Variants in SLC8A1 observed in about 807,000 individuals in gnomAD.
SLC8A1 encodes the protein solute carrier family 8 member A1.
SLC8A1 carries 18 observed loss-of-function variants against 68.3 expected under a neutral mutation model. The ratio of observed to expected loss-of-function variants is 0.26; its 90% CI spans 0.18 to 0.39. SLC8A1 has a LOEUF of 0.39. Ranked by LOEUF, SLC8A1 falls within the 10% of genes least tolerant of loss-of-function variation. The pLI is 1.00. For missense variants in SLC8A1, 985 were observed against 1,156.7 expected, an observed-to-expected ratio of 0.85 and a Z score of 2.15; for synonymous variants, 475 against 415.5, an observed-to-expected ratio of 1.14 and a Z score of -1.74.
At chr2:40,221,019 C>A (rs1212382393) in intron 2 of SLC8A1, among the ~76,000 whole-genome samples, 1 of 152,122 alleles carries the variant, frequency 6.6e-6, no homozygotes, top group Non-Finnish European at 1.5e-5. Flanking sequence ...CTCCCTAACT[C>A]ATTTTATGAG....
chr2:40,406,428 T>C lies in SLC8A1; in HGVS notation c.1808+22045A>G, dbSNP rs551766136. Among the ~76,000 whole-genome samples the C allele has an allele frequency of 7.2e-5, 11 of 152,326 alleles. No homozygotes were observed. In the East Asian group the frequency reaches 1.2e-3, roughly 16 times the overall value. On this transcript the variant is annotated intron_variant, in intron 2 of 7. Coordinates refer to ENST00000406785, the Ensembl canonical transcript of SLC8A1. ...TAAACATGATTACTTATTTATTGTA[T>C]AATGGATGTATAATAAATAAACGTC...
intron 2 of SLC8A1, among the ~76,000 whole-genome samples, chr2:40,316,244 G>T (rs1443085486): frequency 6.6e-6 from 1 of 152,026 alleles, no homozygotes; most frequent in Non-Finnish European, 1.5e-5. Flanking sequence ...GTCCTTTGTG[G>T]TTCAAGGACA....
At chr2:40,128,277 C>T (rs1366072125) in intron 7 of SLC8A1, among the ~76,000 whole-genome samples, 1 of 152,204 alleles carries the variant, frequency 6.6e-6, no homozygotes, top group African/African-American at 2.4e-5. Context: ...GTTTCTCATG[C>T]AGGGACCAGA....
At chr2:40,175,192 G>C in intron 3 of SLC8A1, 69 bp downstream of exon 4, 1 of 1,461,008 alleles carries the variant, frequency 6.8e-7, no homozygotes, top group Non-Finnish European at 9.6e-7. Context: ...CAGAGCTACT[G>C]TATCACCTGA....
chr2:40,208,384 G>C (rs530724860), intron 2 of SLC8A1: 1 of 152,078 alleles, frequency 6.6e-6, no homozygotes, highest in Non-Finnish European at 1.5e-5. Flanking sequence ...GGAATCACTA[G>C]GTACTTCTAA....
intron 2 of SLC8A1, among the ~76,000 whole-genome samples, chr2:40,422,200 G>T (rs966571390): frequency 6.6e-6 from 1 of 152,128 alleles, no homozygotes; most frequent in African/African-American, 2.4e-5. Context: ...CTCTACTGTT[G>T]CAAGGCTAAA....
chr2:40,205,492 T>C (rs1475455634), intron 2 of SLC8A1, among the ~76,000 whole-genome samples: 1 of 152,006 alleles, frequency 6.6e-6, no homozygotes, highest in Non-Finnish European at 1.5e-5. Flanking sequence ...ATCACTGACT[T>C]TGCAGGGACA....
chr2:40,377,549 A>G (rs1160244799), intron 2 of SLC8A1, among the ~76,000 whole-genome samples: 3 of 152,270 alleles, frequency 2.0e-5, no homozygotes, highest in African/African-American at 7.2e-5. Context: ...TGTGCTTCAG[A>G]TGCCAACTCA....
Position 40,270,937 on chromosome 2 carries a change from T to C in SLC8A1, c.1809-93082A>G, listed in dbSNP as rs139105271. On this transcript the variant is annotated intron_variant, in intron 2 of 7. Coordinates refer to ENST00000406785, the Ensembl canonical transcript of SLC8A1. ...TCCGGCTGGTTTTCCTAACGCCCTC[T>C]TTCATTTTATCACCTTCACTGCCAC... is the stretch of plus-strand genomic sequence containing the variant. Among the ~76,000 whole-genome samples the C allele has an allele frequency of 2.5e-3, 378 of 152,258 alleles. 1 individual carries two copies. Among genetic ancestry groups the C allele is most frequent in the African/African-American group, 8.5e-3 (354 of 41,552 alleles).
chr2:40,318,420 C>A (rs914259977), intron 2 of SLC8A1, among the ~76,000 whole-genome samples: 1 of 151,990 alleles, frequency 6.6e-6, no homozygotes, highest in Non-Finnish European at 1.5e-5. Context: ...TACTAAATCA[C>A]TTCAATGTAC....
At chr2:40,278,020 G>A (rs376634052) in intron 2 of SLC8A1, among the ~76,000 whole-genome samples, 2 of 151,900 alleles carry the variant, frequency 1.3e-5, no homozygotes, top group African/African-American at 4.8e-5. Context: ...GATTTGACCA[G>A]GTTATCTGTA....
chr2:40,414,927 G>C (rs1381974971), intron 2 of SLC8A1, among the ~76,000 whole-genome samples: 1 of 152,102 alleles, frequency 6.6e-6, no homozygotes, highest in Non-Finnish European at 1.5e-5. Context: ...AAAACTCTTT[G>C]CAGTTGGCAA....
In SLC8A1 at chr2:40,354,571, T is replaced by A. The variant is rs1046557639; in HGVS notation, c.1808+73902A>T. Among the ~76,000 whole-genome samples the A allele has an allele frequency of 3.9e-5, 6 of 152,128 alleles. No homozygotes were observed. The East Asian group carries it at 9.6e-4, about 24-fold the overall frequency. ...GGCTTGGCAGAAGCTGAATGAAGTGTGTGAAGGTGACTCTACAGAGCACAG... is the reference window on the plus strand; with the variant it reads ...GGCTTGGCAGAAGCTGAATGAAGTGAGTGAAGGTGACTCTACAGAGCACAG... On this transcript the variant is annotated intron_variant, in intron 2 of 7. Transcript: ENST00000406785.
chr2:40,203,440 C>G (rs1453905139), intron 2 of SLC8A1, among the ~76,000 whole-genome samples: 1 of 151,958 alleles, frequency 6.6e-6, no homozygotes, highest in Non-Finnish European at 1.5e-5. Flanking sequence ...TGATTGCCAG[C>G]AAAACCTAAA....
At chr2:40,508,019 T>G (rs975486113) in intron 1 of SLC8A1, among the ~76,000 whole-genome samples, 6 of 152,148 alleles carry the variant, frequency 3.9e-5, no homozygotes, top group African/African-American at 1.4e-4. Context: ...GTTAGAATTG[T>G]GTTTCTTTGC....
At chr2:40,227,999 A>C (rs530258138) in intron 2 of SLC8A1, among the ~76,000 whole-genome samples, 13 of 152,292 alleles carry the variant, frequency 8.5e-5, no homozygotes, top group African/African-American at 2.9e-4. Context: ...GAATACCCAC[A>C]AGTGGAAATG....
chr2:40,259,510 C>T (rs1483760676), intron 2 of SLC8A1, among the ~76,000 whole-genome samples: 1 of 152,116 alleles, frequency 6.6e-6, no homozygotes, highest in African/African-American at 2.4e-5. Flanking sequence ...AAAATAGGGT[C>T]TCATTCTGTG....
chr2:40,136,685 G>A (rs1359922405), intron 7 of SLC8A1, among the ~76,000 whole-genome samples: 3 of 152,098 alleles, frequency 2.0e-5, no homozygotes, highest in Non-Finnish European at 4.4e-5. Context: ...TGTAGCAACT[G>A]GGCTTTGTCA....
chr2:40,312,321 A>G (rs931084795), intron 2 of SLC8A1, among the ~76,000 whole-genome samples: 3 of 152,080 alleles, frequency 2.0e-5, no homozygotes, highest in African/African-American at 7.2e-5. Context: ...AAAACAAACT[A>G]CCAGGGTCAT....
Sources: gnomAD v4.1 joint callset for allele counts (sites outside exome capture counted in the v4.1 genomes callset) on GRCh38, gnomAD v4.1.1 for gene constraint, MANE v1.5 for transcripts, NCBI Gene and HGNC (gene_info 2026-07-23, HGNC 2026-07-21) for gene names.